The following VCAM1 variants were observed in gnomAD, a reference collection of about 807,000 sequenced individuals.
The protein encoded by VCAM1 is vascular cell adhesion protein 1.
VCAM1 carries 41 observed loss-of-function variants against 63.8 expected under a neutral mutation model. The ratio of observed to expected loss-of-function variants is 0.64; its 90% CI spans 0.50 to 0.83. The LOEUF (loss-of-function observed/expected upper bound fraction) is 0.83. VCAM1 is among the 40% of genes least tolerant of loss of function. The probability of loss-of-function intolerance (pLI) is 0.00; values close to 1 mark genes in which losing one functional copy is unlikely to be tolerated. For synonymous variants in VCAM1, 338 were observed against 320.7 expected (o/e 1.05, Z -0.58); for missense variants, 798 against 875.5 (o/e 0.91, Z 1.12).
At chr1:100,728,212 C>T (rs1660248195) in intron 4 of VCAM1, among the ~76,000 whole-genome samples, 1 of 152,088 alleles carries the variant, frequency 6.6e-6, no homozygotes, top group Admixed American at 6.6e-5. Flanking sequence ...GCCCTCACAT[C>T]TCGGCTTTCA....
rs867617884 is a variant in VCAM1 at position 100,732,562 on chromosome 1, C to T, written c.1670C>T (p.Pro557Leu). The T allele has an allele frequency of 1.2e-6, 2 of 1,613,360 alleles. No individual in the cohort carries two copies. The highest frequency in any genetic ancestry group is 1.7e-5 in the Admixed American group (1 of 59,876). Residue 557 changes from proline to leucine, a missense_variant, in exon 7 of 9, where the codon CCT (proline) becomes CTT (leucine). Coordinates refer to ENST00000294728, the MANE Select transcript of VCAM1 (RefSeq NM_001078.4). Reference protein sequence around the residue: ...SRQLPNGELQPLSENATLTLI... With the variant: ...SRQLPNGELQLLSENATLTLI... ...CAGCTCCCTAACGGGGAGCTACAGC[C>T]TCTTTCTGAGAATGCAACTCTCACC...
At position 100,731,157 on chromosome 1, in the gene VCAM1, G is replaced by A. The variant is rs200859161; in HGVS notation, c.1205-41G>A. ...ATAAAGCTTAGCTCAATTTTTCCTTGAATATCAAGAATAAAAATCGTTTTT... is the reference window on the plus strand; with the variant it reads ...ATAAAGCTTAGCTCAATTTTTCCTTAAATATCAAGAATAAAAATCGTTTTT... On this transcript the variant is annotated intron_variant, in intron 5 of 8. Coordinates refer to ENST00000294728, the MANE Select transcript of VCAM1 (RefSeq NM_001078.4). The surrounding 1 kb of genome is among the most constrained non-coding windows in gnomAD (Gnocchi z 4.2). 8.4e-6 allele frequency: 13 copies of A among 1,541,616 alleles called. No individual in the cohort carries two copies. In the African/African-American group the frequency reaches 1.8e-4, roughly 21 times the overall value.
chr1:100,728,133 C>T (rs1222278695), intron 4 of VCAM1, among the ~76,000 whole-genome samples: 1 of 152,048 alleles, frequency 6.6e-6, no homozygotes, highest in Non-Finnish European at 1.5e-5. Flanking sequence ...CCAAAAGAAG[C>T]CCATGCACCC....
intron 8 of VCAM1, chr1:100,736,603 G>T (rs1260321296): frequency 1.3e-5 from 2 of 152,060 alleles, no homozygotes; most frequent in African/African-American, 4.8e-5. Context: ...AAGAAAGAAA[G>T]AAAAGAAATA....
Position 100,732,527 on chromosome 1 carries a change from G to C in VCAM1, c.1635G>C (p.Leu545=). The change falls in exon 7 of 9, where the codon CTG becomes CTC. Residue 545 remains leucine (L), a synonymous_variant. Transcript: ENST00000294728. ...LSQGFPAPKI[L]WSRQLPNGEL... ...AGGGCTTTCCTGCTCCGAAAATCCT[G>C]TGGAGCAGGCAGCTCCCTAACGGGG... 1.2e-6 allele frequency: 2 copies of C among 1,612,956 alleles called. No homozygotes were observed. The highest frequency in any genetic ancestry group is 1.1e-5 in the South Asian group (1 of 90,742).
intron 1 of VCAM1, 96 bp from the exon 2 acceptor site, chr1:100,720,380 A>C: frequency 1.4e-6 from 2 of 1,452,958 alleles, no homozygotes; most frequent in Non-Finnish European, 1.9e-6. Context: ...GAAAGAGATC[A>C]GTCTGATCAT....
chr1:100,738,062 T>C (rs1660718500), intron 8 of VCAM1, 61 bp from the exon 9 acceptor site: 2 of 1,543,888 alleles, frequency 1.3e-6, no homozygotes, highest in Non-Finnish European at 1.8e-6. Flanking sequence ...ATGTAACTGT[T>C]GTTATTAAAT....
At chr1:100,720,882 C>A in intron 2 of VCAM1, 131 bp downstream of exon 2, 3 of 1,153,044 alleles carry the variant, frequency 2.6e-6, no homozygotes, top group African/African-American at 1.6e-5. Flanking sequence ...CATACAACAT[C>A]AGGAAAGCTA....
At chr1:100,723,420 T>TAAAA in intron 3 of VCAM1, 80 bp downstream of exon 3, 2 of 1,122,944 alleles carry the variant, frequency 1.8e-6, no homozygotes, top group Non-Finnish European at 2.4e-6. Flanking sequence ...AGCAGAAAAG[T>TAAAA]AAAAAAAAAA....
At position 100,719,872 on chromosome 1, in the gene VCAM1, G is replaced by T. The variant is rs1264341474; in HGVS notation, c.12G>T (p.Lys4Asn). 6.2e-7 allele frequency: 1 copy of T among 1,611,670 alleles called. No homozygotes were observed. The highest frequency in any genetic ancestry group is 1.7e-5 in the Admixed American group (1 of 59,910). The stretch of plus-strand genomic sequence containing the variant: ...GACAGCAACTTAAAATGCCTGGGAA[G>T]ATGGTCGTGATCCTTGGAGCCTCAA... MPG[K>N]MVVILGASNI... The change falls in exon 1 of 9, where the codon AAG becomes AAT. Residue 4 changes from lysine to asparagine, a missense_variant. Coordinates refer to ENST00000294728, the MANE Select transcript of VCAM1 (RefSeq NM_001078.4).
chr1:100,721,091 A>T (rs1051587021), intron 2 of VCAM1, among the ~76,000 whole-genome samples: 3 of 152,104 alleles, frequency 2.0e-5, no homozygotes, highest in African/African-American at 7.2e-5. Context: ...TTACATGTTT[A>T]CTTGCTTATG....
intron 8 of VCAM1, chr1:100,735,139 C>T (rs368648998): frequency 6.0e-6 from 1 of 165,390 alleles, no homozygotes; most frequent in South Asian, 1.8e-4. Flanking sequence ...CTCTTCCTTT[C>T]TACCAGAAGG....
chr1:100,724,489 G>A, intron 3 of VCAM1, 135 bp from the exon 4 acceptor site: 1 of 970,184 alleles, frequency 1.0e-6, no homozygotes, highest in Non-Finnish European at 1.5e-6. Context: ...GAATGATTCA[G>A]CAGTTCTTTA....
intron 3 of VCAM1, 126 bp downstream of exon 3, chr1:100,723,466 A>G (rs1033727099): frequency 7.0e-6 from 7 of 997,422 alleles, no homozygotes; most frequent in Non-Finnish European, 1.0e-5. Flanking sequence ...ATTTGTATTC[A>G]TTCACAACAT....
intron 5 of VCAM1, 27 bp downstream of exon 5, chr1:100,729,409 G>GTTTT (rs35977905): frequency 4.6e-6 from 6 of 1,297,914 alleles, no homozygotes; most frequent in South Asian, 1.8e-5. Context: ...ATTGTTTACT[G>GTTTT]TTTTTTTTTT....
Position 100,729,143 on chromosome 1 carries a change from G to C in VCAM1, c.965G>C (p.Arg322Pro). 1.2e-6 allele frequency: 2 copies of C among 1,607,466 alleles called. No individual in the cohort carries two copies. Among genetic ancestry groups the C allele is most frequent in the Non-Finnish European group, 1.7e-6 (2 of 1,175,640 alleles). Residue 322 changes from arginine to proline, a missense_variant, in exon 5 of 9, where the codon CGG becomes CCG. Arg to Pro is a moderately radical substitution (Grantham distance 103). Transcript: ENST00000294728. ...PFTVEISPGP[R>P]IAAQIGDSVM... ...ACTGTTGAGATCTCCCCTGGACCCC[G>C]GATTGCTGCTCAGATTGGAGACTCA...
Position 100,738,071 on chromosome 1 carries a change from A to G in VCAM1, c.2060-52A>G, listed in dbSNP as rs1366159706. ...ATAAACATGTAACTGTTGTTATTAA[A>G]TGCTATCTTTTTGTACTAGACATTA... On this transcript the variant is annotated intron_variant, in intron 8 of 8. Coordinates refer to ENST00000294728, the MANE Select transcript of VCAM1 (RefSeq NM_001078.4). The G allele has an allele frequency of 2.9e-5, 45 of 1,573,400 alleles. 1 individual carries two copies. The highest frequency in any genetic ancestry group is 3.9e-5 in the Non-Finnish European group (45 of 1,154,054).
Position 100,729,397 on chromosome 1 carries a change from G to A in VCAM1, c.1204+15G>A. On this transcript the variant is annotated intron_variant, in intron 5 of 8. Coordinates refer to ENST00000294728, the MANE Select transcript of VCAM1 (RefSeq NM_001078.4). ...GGAGCTCTACTGTAAGTGGTTTTCA[G>A]AATTGTTTACTGTTTTTTTTTTTCA... is the stretch of plus-strand genomic sequence containing the variant. The A allele has an allele frequency of 1.3e-6, 2 of 1,506,902 alleles. No individual in the cohort carries two copies. Among genetic ancestry groups the A allele is most frequent in the South Asian group, 1.3e-5 (1 of 76,518 alleles). The allele number at this position is 1,506,902 out of a possible 1,614,324, so 93.3% of individuals were successfully genotyped here.
At chr1:100,734,459 A>G (rs761469517) in intron 7 of VCAM1, 43 bp from the exon 8 acceptor site, 2 of 1,579,618 alleles carry the variant, frequency 1.3e-6, no homozygotes, top group Non-Finnish European at 1.7e-6. Flanking sequence ...GAGTTGGTTT[A>G]TATTTCACTC....
Sources: gnomAD v4.1 joint callset for allele counts (sites outside exome capture counted in the v4.1 genomes callset) on GRCh38, gnomAD v4.1.1 for gene constraint, Gnocchi (gnomAD v3.1) non-coding constraint, MANE v1.5 for transcripts, NCBI Gene and HGNC (gene_info 2026-07-23, HGNC 2026-07-21) for gene names.